The following DPP6 variants were observed in gnomAD, a reference collection of about 807,000 sequenced individuals.
DPP6 encodes the protein dipeptidyl peptidase like 6.
A neutral mutation model predicts 122.6 loss-of-function variants in DPP6; 69 were observed. That is an observed-to-expected ratio of 0.56 (90% CI 0.46 to 0.69). The LOEUF (loss-of-function observed/expected upper bound fraction) is 0.69, where lower values mean the gene tolerates loss of function less well. DPP6 is among the 30% of genes least tolerant of loss of function. The pLI is 0.00. For missense variants in DPP6, 928 were observed against 1,116.9 expected (o/e 0.83, Z 2.41); for synonymous variants, 418 against 433.1 (o/e 0.97, Z 0.43).
intron 1 of DPP6, among the ~76,000 whole-genome samples, chr7:153,944,162 C>A (rs6464377): frequency 4.6e-5 from 7 of 152,330 alleles, no homozygotes; most frequent in African/African-American, 9.6e-5. Context: ...TAGCACGCTC[C>A]TTCCAGCACA....
rs188162101 is a variant in DPP6 at position 154,465,647 on chromosome 7, C to T, written c.359-9292C>T. The stretch of plus-strand genomic sequence containing the variant: ...GTCATTAAAGAAATGCAAATCAAAA[C>T]CACAATGAGATACTATCTCACTGCA... On this transcript the variant is annotated intron_variant, in intron 2 of 25. Transcript: ENST00000377770. Among the ~76,000 whole-genome samples, 100 of 152,258 alleles carry T rather than the reference C, an allele frequency of 6.6e-4. No individual in the cohort carries two copies. In the East Asian group the frequency reaches 0.015, roughly 23 times the overall value.
chr7:154,803,062 C>T (rs1449473910), intron 13 of DPP6, among the ~76,000 whole-genome samples: 1 of 152,132 alleles, frequency 6.6e-6, no homozygotes, highest in Non-Finnish European at 1.5e-5. Flanking sequence ...ACTCCCCAGC[C>T]TCTCCTACAC....
chr7:154,557,043 A>G (rs1266012722), intron 4 of DPP6, among the ~76,000 whole-genome samples: 2 of 152,182 alleles, frequency 1.3e-5, no homozygotes, highest in Non-Finnish European at 2.9e-5. Flanking sequence ...TGAGAAAGAC[A>G]TTGTATTTTC....
At chr7:154,575,334 GGTGTGT>G (rs1361367629) in intron 5 of DPP6, among the ~76,000 whole-genome samples, 47 of 112,320 alleles carry the variant, frequency 4.2e-4, no homozygotes, top group East Asian at 1.3e-3. Flanking sequence ...ATGTGTGTGT[GGTGTGT>G]GTATGTGTGT....
At chr7:154,575,367 G>C (rs1831531773) in intron 5 of DPP6, among the ~76,000 whole-genome samples, 2 of 89,962 alleles carry the variant, frequency 2.2e-5, no homozygotes, top group South Asian at 4.5e-4. Flanking sequence ...TGTGTGTGAT[G>C]TGTGTGTATG....
At chr7:154,648,934 A>T (rs7455462) in intron 6 of DPP6, among the ~76,000 whole-genome samples, 40,202 of 148,728 alleles carry the variant, frequency 0.27, 5,451 homozygotes, top group Non-Finnish European at 0.28. Context: ...AAAAAAAAAA[A>T]TACACTTTTT....
intron 1 of DPP6, among the ~76,000 whole-genome samples, chr7:154,235,442 G>A (rs11982794): frequency 0.19 from 26,955 of 141,288 alleles, 5,750 homozygotes; most frequent in African/African-American, 0.52. Flanking sequence ...ATGAATTGCA[G>A]TTTGCCCAGT....
the DPP6 span, among the ~76,000 whole-genome samples, chr7:153,876,115 G>T: frequency 6.6e-6 from 1 of 151,838 alleles, no homozygotes; most frequent in East Asian, 1.9e-4. Context: ...TCTTAGACTG[G>T]TATGCACCTA....
rs1017253571 is a variant in DPP6 at position 154,305,666 on chromosome 7, A to G, written c.244-140548A>G. On this transcript the variant is annotated intron_variant, in intron 1 of 25. Transcript: ENST00000377770. ...AGGGAGGATATGTATTTGGGGAAGA[A>G]TTTTGTATTTTGTATTGGTTTATGA... 1.5e-5 allele frequency: 21 copies of G among 1,398,810 alleles called. No homozygotes were observed. The African/African-American group carries it at 2.0e-4, about 13-fold the overall frequency. 86.6% of individuals were successfully genotyped at this position (1,398,810 alleles called of 1,614,324 possible). A position where few individuals can be genotyped will look rare whatever the true frequency, so the allele number is the denominator to read the frequency against.
chr7:154,364,546 G>A (rs1442947318), intron 1 of DPP6, among the ~76,000 whole-genome samples: 3 of 152,186 alleles, frequency 2.0e-5, no homozygotes, highest in Non-Finnish European at 2.9e-5. Context: ...GGGCAGGGGC[G>A]GTGGGGTGGG....
At chr7:154,074,135 A>ATCTATATATC (rs1563171009) in intron 1 of DPP6, among the ~76,000 whole-genome samples, 1 of 148,568 alleles carries the variant, frequency 6.7e-6, no homozygotes, top group African/African-American at 2.5e-5. Context: ...ATCTATATAT[A>ATCTATATATC]TCTCTCTATA....
chr7:154,578,957 G>A (rs1056785545), intron 5 of DPP6, among the ~76,000 whole-genome samples: 2 of 152,142 alleles, frequency 1.3e-5, no homozygotes, highest in African/African-American at 2.4e-5. Context: ...CAGTGGCTAG[G>A]CATCACTCCA....
Position 154,879,575 on chromosome 7 carries a change from C to T in DPP6, c.2079-1313C>T, listed in dbSNP as rs539891616. On this transcript the variant is annotated intron_variant, in intron 20 of 25. Coordinates refer to ENST00000377770, the MANE Select transcript of DPP6 (RefSeq NM_130797.4). ...CACTGCACTCCAGCCTGGGCGACAG[C>T]GAGACTCCGTCTCAAAAAAAAAAAA... Among the ~76,000 whole-genome samples the T allele has an allele frequency of 3.1e-5, 4 of 130,388 alleles. 1 individual carries two copies. The highest frequency in any genetic ancestry group is 2.5e-4 in the South Asian group (1 of 4,060). 85.5% of individuals were successfully genotyped at this position (130,388 alleles called of 152,430 possible).
chr7:154,415,262 A>C (rs2151215088), intron 1 of DPP6, among the ~76,000 whole-genome samples: 1 of 152,316 alleles, frequency 6.6e-6, no homozygotes, highest in South Asian at 2.1e-4. Flanking sequence ...AAATCACTCA[A>C]GGTTCCAGCT....
intron 7 of DPP6, among the ~76,000 whole-genome samples, chr7:154,676,959 A>G (rs1838951973): frequency 6.6e-6 from 1 of 152,246 alleles, no homozygotes; most frequent in African/African-American, 2.4e-5. Context: ...AGGAGTTTAC[A>G]GAGCCTACAA....
intron 1 of DPP6, among the ~76,000 whole-genome samples, chr7:154,066,364 A>AT (rs1451994081): frequency 3.3e-5 from 5 of 152,026 alleles, no homozygotes; most frequent in African/African-American, 7.2e-5. Flanking sequence ...CCAGCCTCAG[A>AT]TTTTTTTACA....
intron 3 of DPP6, among the ~76,000 whole-genome samples, chr7:154,530,262 A>T (rs1403127042): frequency 6.6e-6 from 1 of 152,212 alleles, no homozygotes. Flanking sequence ...AAATTCTAGG[A>T]GAGAAAATGG....
At chr7:154,420,651 T>C (rs1817395421) in intron 1 of DPP6, among the ~76,000 whole-genome samples, 1 of 152,180 alleles carries the variant, frequency 6.6e-6, no homozygotes, top group African/African-American at 2.4e-5. Context: ...GCATGGTAAC[T>C]ATAGTTAATA....
At chr7:153,823,616 G>A in the DPP6 span, among the ~76,000 whole-genome samples, 3 of 18,584 alleles carry the variant, frequency 1.6e-4, no homozygotes, top group Non-Finnish European at 3.4e-4. Context: ...ATCAGGAAAG[G>A]GAATCATGAC....
Sources: gnomAD v4.1 joint callset for allele counts (sites outside exome capture counted in the v4.1 genomes callset) on GRCh38, gnomAD v4.1.1 for gene constraint, MANE v1.5 for transcripts, NCBI Gene and HGNC (gene_info 2026-07-23, HGNC 2026-07-21) for gene names.